Variants in SBNO2 observed in about 807,000 individuals in gnomAD.
SBNO2 encodes strawberry notch homolog 2, also known as protein strawberry notch homolog 2.
SBNO2 carries 89 observed loss-of-function variants against 146.3 expected under a neutral mutation model. That is an observed-to-expected ratio of 0.61 (90% confidence interval 0.51 to 0.73). The LOEUF is 0.73. SBNO2 is among the 30% of genes least tolerant of loss of function. The probability of loss-of-function intolerance (pLI) is 0.00; values close to 1 mark genes in which losing one functional copy is unlikely to be tolerated. For missense variants in SBNO2, 2,092 were observed against 2,003.7 expected, an observed-to-expected ratio of 1.04 and a Z score of -0.84; for synonymous variants, 1,147 against 892.6, an observed-to-expected ratio of 1.29 and a Z score of -5.08.
chr19:1,161,903 C>G (rs1304110269), intron 1 of SBNO2, among the ~76,000 whole-genome samples: 1 of 2,150 alleles, frequency 4.7e-4, no homozygotes, highest in African/African-American at 2.1e-3. Flanking sequence ...CCCTGGGGAG[C>G]CGCGGGGGGG....
rs774927432 is a variant in SBNO2, at chr19:1,112,362, G to C, written c.2515+40C>G. ...GGGGGCGGGGCCGAGACCATGTTGG[G>C]GGCGGGGCCAGGCAGCGCTGGGGGC... On this transcript the variant is annotated intron_variant, in intron 21 of 31. Transcript: ENST00000361757. This position sits in a 1 kb window ranked among gnomAD's most constrained non-coding sequence, Gnocchi z 5.9. The C allele has an allele frequency of 4.8e-5, 76 of 1,571,512 alleles. No homozygotes were observed. Among genetic ancestry groups the C allele is most frequent in the Non-Finnish European group, 6.3e-5 (73 of 1,161,648 alleles).
At position 1,158,654 on chromosome 19, in the gene SBNO2, G is replaced by A. The variant is rs563457784; in HGVS notation, c.-126-4252C>T. Among the ~76,000 whole-genome samples, 4 of 152,310 alleles carry A rather than the reference G, an allele frequency of 2.6e-5. No individual in the cohort carries two copies. The East Asian group carries it at 7.7e-4, about 29-fold the overall frequency. ...GAGGCCCGGGCGAGCGGGCGCGACC[G>A]TGGTGATGGAGCCCGGCAGAGGCCA... On this transcript the variant is annotated intron_variant, in intron 1 of 31. Coordinates refer to ENST00000361757, the MANE Select transcript of SBNO2 (RefSeq NM_014963.3). This position sits in a 1 kb window ranked among gnomAD's most constrained non-coding sequence, Gnocchi z 9.9.
intron 1 of SBNO2, among the ~76,000 whole-genome samples, chr19:1,162,020 A>G (rs1166548135): frequency 6.7e-6 from 1 of 148,800 alleles, no homozygotes; most frequent in East Asian, 2.0e-4. Context: ...GGGCACGGCC[A>G]CAGATGGCGC....
intron 1 of SBNO2, among the ~76,000 whole-genome samples, chr19:1,169,591 G>C (rs2080458540): frequency 6.6e-6 from 1 of 152,202 alleles, no homozygotes; most frequent in Non-Finnish European, 1.5e-5. Flanking sequence ...GGCCCCCGGG[G>C]GGTGGGGTGA....
rs568207214 is a variant in SBNO2, at chr19:1,157,389, G to A, written c.-126-2987C>T. ...CGGAGACCCTCTGCCACGCAGCCCCGGAGACGCTCTCCCCACGCGGCCCCG... is the reference window on the plus strand; with the variant it reads ...CGGAGACCCTCTGCCACGCAGCCCCAGAGACGCTCTCCCCACGCGGCCCCG... On this transcript the variant is annotated intron_variant, in intron 1 of 31. Coordinates refer to ENST00000361757, the MANE Select transcript of SBNO2 (RefSeq NM_014963.3). This position sits in a 1 kb window ranked among gnomAD's most constrained non-coding sequence, Gnocchi z 6.8. 1.6e-4 allele frequency among the ~76,000 whole-genome samples: 23 copies of A among 147,936 alleles called. No individual in the cohort carries two copies. Among genetic ancestry groups the A allele is most frequent in the African/African-American group, 3.8e-4 (15 of 39,408 alleles).
chr19:1,172,790 C>A (rs913494120), intron 1 of SBNO2, among the ~76,000 whole-genome samples: 1 of 106,010 alleles, frequency 9.4e-6, no homozygotes, highest in Non-Finnish European at 2.0e-5. Context: ...CCCCCCCGCC[C>A]CGGCAAACTG....
rs767485424 is a variant in SBNO2 at position 1,119,618 on chromosome 19, G to A, written c.1271C>T (p.Ala424Val). ...GTAGATCATGTTCCGAGGCTCAGAG[G>A]CACCTGTGGGGGGAAGCTGCCGTCA... is the stretch of plus-strand genomic sequence containing the variant. Reference protein sequence around the residue: ...ARVVYASATGASEPRNMIYMS... With the variant: ...ARVVYASATGVSEPRNMIYMS... The change falls in exon 13 of 32, where the codon GCC becomes GTC. Residue 424 changes from alanine (A) to valine (V), a missense_variant. Coordinates refer to ENST00000361757, the MANE Select transcript of SBNO2 (RefSeq NM_014963.3). 1 of 1,605,512 alleles carries A rather than the reference G, an allele frequency of 6.2e-7. No individual in the cohort carries two copies. Among genetic ancestry groups the A allele is most frequent in the Admixed American group, 1.7e-5 (1 of 59,170 alleles).
intron 23 of SBNO2, 115 bp from the exon 24 acceptor site, chr19:1,111,729 A>G: frequency 1.8e-6 from 1 of 559,944 alleles, no homozygotes; most frequent in Non-Finnish European, 2.8e-6. Context: ...GCCCTCCCCT[A>G]GACTCCTAGA....
Position 1,109,181 on chromosome 19 carries a change from C to A in SBNO2, c.3379G>T (p.Glu1127Ter). 1 of 1,561,616 alleles carries A rather than the reference C, an allele frequency of 6.4e-7. No individual in the cohort carries two copies. The highest frequency in any genetic ancestry group is 8.7e-7 in the Non-Finnish European group (1 of 1,153,954). The change falls in exon 30 of 32, where the codon GAG becomes TAG. Residue 1127 changes from glutamate to a stop codon, truncating the protein, a stop_gained. Transcript: ENST00000361757. LOFTEE classifies it high-confidence loss of function. The surrounding 1 kb of genome is among the most constrained non-coding windows in gnomAD (Gnocchi z 4.2). ...VTAEEAKEPW[E>*]SGYALSLTHC... ...GTCAGCGACAAAGCGTAGCCACTCT[C>A]CCAGGGCTCCTTGGCCTCCTCCGCG...
At chr19:1,153,769 C>G (rs1436418359) in intron 2 of SBNO2, among the ~76,000 whole-genome samples, 1 of 152,198 alleles carries the variant, frequency 6.6e-6, no homozygotes, top group Non-Finnish European at 1.5e-5. Flanking sequence ...AACTCGGGAC[C>G]TCAGGTGATC....
At chr19:1,151,725 C>T (rs59937886) in intron 2 of SBNO2, among the ~76,000 whole-genome samples, 15,930 of 152,180 alleles carry the variant, frequency 0.1, 2,446 homozygotes, top group African/African-American at 0.34. Flanking sequence ...TGCAGTGGCA[C>T]GATCGTGGCT....
At chr19:1,113,064 A>C in intron 19 of SBNO2, 115 bp from the exon 20 acceptor site, 4 of 1,253,926 alleles carry the variant, frequency 3.2e-6, no homozygotes, top group Non-Finnish European at 3.2e-6. Flanking sequence ...CCAGCTGTGC[A>C]CGGGAGGTGG....
At chr19:1,139,489 T>C (rs1333502233) in intron 4 of SBNO2, among the ~76,000 whole-genome samples, 2 of 151,638 alleles carry the variant, frequency 1.3e-5, no homozygotes, top group African/African-American at 4.8e-5. Flanking sequence ...GTCACGTGAA[T>C]TGAGTCTCAC....
chr19:1,112,680 C>T lies in SBNO2; in HGVS notation c.2379+138G>A, dbSNP rs1355464610. 7.0e-7 allele frequency: 1 copy of T among 1,434,728 alleles called. No homozygotes were observed. Among genetic ancestry groups the T allele is most frequent in the Non-Finnish European group, 9.2e-7 (1 of 1,087,172 alleles). 88.9% of individuals were successfully genotyped at this position (1,434,728 alleles called of 1,614,324 possible). A position where few individuals can be genotyped will look rare whatever the true frequency, so the allele number is the denominator to read the frequency against. On this transcript the variant is annotated intron_variant, in intron 20 of 31. Coordinates refer to ENST00000361757, the MANE Select transcript of SBNO2 (RefSeq NM_014963.3). This position sits in a 1 kb window ranked among gnomAD's most constrained non-coding sequence, Gnocchi z 5.9. Reference sequence around the variant, plus strand: ...AGGCCTGCGGGGCGCGGACACCACCCGCCACACGGCCACTCGCGCCCGCAC... The same window carrying T: ...AGGCCTGCGGGGCGCGGACACCACCTGCCACACGGCCACTCGCGCCCGCAC...
At chr19:1,151,523 C>T (rs532312517) in intron 2 of SBNO2, among the ~76,000 whole-genome samples, 1 of 152,350 alleles carries the variant, frequency 6.6e-6, no homozygotes, top group South Asian at 2.1e-4. Context: ...GCATGGCAGG[C>T]CAATCAGAGT....
chr19:1,160,243 G>C (rs557039442), intron 1 of SBNO2, among the ~76,000 whole-genome samples: 1 of 152,080 alleles, frequency 6.6e-6, no homozygotes, highest in Admixed American at 6.5e-5. Context: ...CCTGCAGCCC[G>C]GCTGGGGCCC....
Position 1,143,987 on chromosome 19 carries a change from T to C in SBNO2, c.279+3322A>G, listed in dbSNP as rs576279065. 2.6e-5 allele frequency among the ~76,000 whole-genome samples: 4 copies of C among 152,280 alleles called. No individual in the cohort carries two copies. In the South Asian group the frequency reaches 6.2e-4, roughly 24 times the overall value. On this transcript the variant is annotated intron_variant, in intron 4 of 31. Transcript: ENST00000361757. ...CGTGTGGCCAGCACATTTCCTCAGG[T>C]CTGAGTCGGGAGCAGAGGCTTCCGT...
intron 1 of SBNO2, among the ~76,000 whole-genome samples, chr19:1,166,578 G>A (rs2080427031): frequency 6.6e-6 from 1 of 151,622 alleles, no homozygotes; most frequent in Non-Finnish European, 1.5e-5. Context: ...AGGAGGTGGA[G>A]ACCAGCCTGG....
chr19:1,151,800 T>C (rs1469550718), intron 2 of SBNO2, among the ~76,000 whole-genome samples: 1 of 152,190 alleles, frequency 6.6e-6, no homozygotes, highest in Admixed American at 6.5e-5. Context: ...GTAGCTGGGA[T>C]TACAGGCGCC....
Sources: gnomAD v4.1 joint callset for allele counts (sites outside exome capture counted in the v4.1 genomes callset) on GRCh38, gnomAD v4.1.1 for gene constraint, Gnocchi (gnomAD v3.1) non-coding constraint, MANE v1.5 for transcripts, NCBI Gene and HGNC (gene_info 2026-07-23, HGNC 2026-07-21) for gene names.